The following CRHBP variants were observed in gnomAD, a reference collection of about 807,000 sequenced individuals.
CRHBP encodes the protein corticotropin releasing hormone binding protein.
Under a neutral mutation model 34.9 loss-of-function variants are expected in CRHBP, and 19 were observed. That is an observed-to-expected ratio of 0.55 (90% CI 0.38 to 0.80). CRHBP has a LOEUF of 0.80. Among genes scored for constraint, CRHBP ranks in the 30% least tolerant of loss-of-function variants. The pLI is 0.00. For missense variants in CRHBP, 328 were observed against 409.2 expected (o/e 0.80, Z 1.71); for synonymous variants, 154 against 153.4 (o/e 1.00, Z -0.03).
intron 2 of CRHBP, 92 bp from the exon 3 acceptor site, chr5:76,953,937 C>T (rs1442830028): frequency 1.4e-6 from 2 of 1,473,596 alleles, no homozygotes; most frequent in Non-Finnish European, 1.8e-6. Flanking sequence ...ACTACAGAGC[C>T]CGGGAATGGG....
At chr5:76,980,363 G>A (rs1746102402) in intron 3 of CRHBP, among the ~76,000 whole-genome samples, 1 of 152,076 alleles carries the variant, frequency 6.6e-6, no homozygotes, top group Non-Finnish European at 1.5e-5. Context: ...GCTAGAGACT[G>A]TGGCTGGAAT....
At chr5:76,968,290 G>T (rs994413356) in intron 6 of CRHBP, among the ~76,000 whole-genome samples, 2 of 148,942 alleles carry the variant, frequency 1.3e-5, no homozygotes, top group Non-Finnish European at 1.5e-5. Flanking sequence ...ACCCTAGATC[G>T]GTGACAACCA....
At chr5:76,974,824 CAG>C (rs1454224117) in intron 2 of CRHBP, among the ~76,000 whole-genome samples, 3 of 152,008 alleles carry the variant, frequency 2.0e-5, no homozygotes, top group Non-Finnish European at 2.9e-5. Context: ...AGAAAAGAAA[CAG>C]AGATACGAGA....
intron 2 of CRHBP, 114 bp downstream of exon 2, chr5:76,953,808 G>C: frequency 8.2e-7 from 1 of 1,221,516 alleles, no homozygotes; most frequent in Non-Finnish European, 1.1e-6. Context: ...GGAACCGCCA[G>C]GGGCGCGGTC....
At position 76,968,872 on chromosome 5, in the gene CRHBP, T is replaced by G; in HGVS notation, c.956T>G (p.Leu319Trp). The change falls in exon 7 of 7, where the codon TTG (leucine) becomes TGG (tryptophan). Residue 319 changes from leucine to tryptophan, a missense_variant. Physicochemically the swap from Leu to Trp is moderately conservative, Grantham distance 61. Transcript: ENST00000274368. Reference protein sequence around the residue: ...PNGNSIGEFCLSGL With the variant: ...PNGNSIGEFCWSGL ...GGAAACAGTATCGGGGAATTCTGTT[T>G]GTCTGGTCTTTGAATAACCAACCCA... 1 of 1,613,540 alleles carries G rather than the reference T, an allele frequency of 6.2e-7. No homozygotes were observed. The highest frequency in any genetic ancestry group is 1.1e-5 in the South Asian group (1 of 90,900).
chr5:76,954,265 G>T (rs972937457), intron 3 of CRHBP, 79 bp downstream of exon 3: 4 of 1,506,284 alleles, frequency 2.7e-6, no homozygotes, highest in Admixed American at 2.0e-5. Flanking sequence ...TGCACCCAGC[G>T]TGGGGCTGCT....
At position 76,958,853 on chromosome 5, in the gene CRHBP, T is replaced by C. The variant is rs1418770733; in HGVS notation, c.657T>C (p.Asp219=). The change falls in exon 5 of 7, where the codon GAT becomes GAC. Residue 219 remains aspartate (D), a synonymous_variant. Coordinates refer to ENST00000274368, the MANE Select transcript of CRHBP (RefSeq NM_001882.4). ...IIYPVVIKIS[D]LTLGHVNGLQ... is the part of the protein sequence containing the mutation. ...ATCCTGTGGTGATCAAAATATCTGA[T>C]CTTACCCTGGGACACGTAAATGGTC... The C allele has an allele frequency of 6.2e-7, 1 of 1,614,124 alleles. No individual in the cohort carries two copies. The highest frequency in any genetic ancestry group is 8.5e-7 in the Non-Finnish European group (1 of 1,180,002).
chr5:76,953,441 G>C (rs1014539225), intron 1 of CRHBP, 160 bp from the exon 2 acceptor site: 4 of 908,100 alleles, frequency 4.4e-6, no homozygotes, highest in Non-Finnish European at 7.1e-6. Context: ...TGGCCTGATG[G>C]AGAGGGTCTA....
chr5:76,975,912 ATATG>A (rs1333458220), intron 2 of CRHBP, among the ~76,000 whole-genome samples: 1 of 123,188 alleles, frequency 8.1e-6, no homozygotes, highest in African/African-American at 3.4e-5. Context: ...GTGTGTATAT[ATATG>A]TGTATATATA....
downstream of CRHBP, among the ~76,000 whole-genome samples, chr5:76,969,626 GGA>G: frequency 6.6e-6 from 1 of 152,318 alleles, no homozygotes; most frequent in South Asian, 2.1e-4. Context: ...ATTATTTAGA[GGA>G]GAGGTAGAAT....
At chr5:76,954,502 C>G (rs11951796) in intron 3 of CRHBP, among the ~76,000 whole-genome samples, 29 of 134,894 alleles carry the variant, frequency 2.1e-4, no homozygotes, top group African/African-American at 7.5e-4. Context: ...ACTCGCAGCG[C>G]GGAACTCTGA....
chr5:76,958,554 T>C, intron 4 of CRHBP, 187 bp from the exon 5 acceptor site: 1 of 570,840 alleles, frequency 1.8e-6, no homozygotes, highest in Non-Finnish European at 3.0e-6. Flanking sequence ...TATCCACGTG[T>C]CACTGATGGT....
chr5:76,980,592 G>C (rs1746104809), intron 3 of CRHBP, among the ~76,000 whole-genome samples: 1 of 152,202 alleles, frequency 6.6e-6, no homozygotes, highest in Non-Finnish European at 1.5e-5. Flanking sequence ...GCCATAGAAC[G>C]AAGACATTTA....
Position 76,968,846 on chromosome 5 carries a change from T to C in CRHBP, c.930T>C (p.Asn310=). 1 of 1,614,106 alleles carries C rather than the reference T, an allele frequency of 6.2e-7. No individual in the cohort carries two copies. Among genetic ancestry groups the C allele is most frequent in the Non-Finnish European group, 8.5e-7 (1 of 1,179,994 alleles). The change falls in exon 7 of 7, where the codon AAT becomes AAC. Residue 310 remains asparagine, a synonymous_variant. Transcript: ENST00000274368. ...QLEPYELENP[N]GNSIGEFCLS... ...AGCCGTACGAGCTGGAAAACCCAAA[T>C]GGAAACAGTATCGGGGAATTCTGTT...
chr5:76,971,676 G>GGCACT (rs1745949800), downstream of CRHBP, among the ~76,000 whole-genome samples: 1 of 152,196 alleles, frequency 6.6e-6, no homozygotes, highest in African/African-American at 2.4e-5. Flanking sequence ...CCTGTCTGCA[G>GGCACT]GCACTGCACT....
At chr5:76,956,161 A>T (rs920919510) in intron 4 of CRHBP, among the ~76,000 whole-genome samples, 1 of 152,168 alleles carries the variant, frequency 6.6e-6, no homozygotes, top group African/African-American at 2.4e-5. Flanking sequence ...GATAAGCTTT[A>T]ATCTTCCAAG....
At chr5:76,960,152 T>C (rs1379777023) in intron 5 of CRHBP, among the ~76,000 whole-genome samples, 1 of 152,088 alleles carries the variant, frequency 6.6e-6, no homozygotes, top group Non-Finnish European at 1.5e-5. Context: ...CAGAGTAGTG[T>C]GGTAGACAGT....
chr5:76,958,601 T>C (rs1745726504), intron 4 of CRHBP, 140 bp from the exon 5 acceptor site: 3 of 877,234 alleles, frequency 3.4e-6, no homozygotes, highest in South Asian at 4.4e-5. Flanking sequence ...CCAAATTGCT[T>C]TTGTGGTATA....
At chr5:76,962,583 G>A (rs78726046) in intron 5 of CRHBP, among the ~76,000 whole-genome samples, 2,390 of 150,958 alleles carry the variant, frequency 0.016, 47 homozygotes, top group African/African-American at 0.051. Context: ...GTTCAAGACC[G>A]GCCTGGGCAA....
Sources: gnomAD v4.1 joint callset for allele counts (sites outside exome capture counted in the v4.1 genomes callset) on GRCh38, gnomAD v4.1.1 for gene constraint, MANE v1.5 for transcripts, NCBI Gene and HGNC (gene_info 2026-07-23, HGNC 2026-07-21) for gene names.